The following TLL2 variants were observed in gnomAD, a reference collection of about 807,000 sequenced individuals.
TLL2 encodes tolloid-like protein 2.
Under a neutral mutation model 123.0 loss-of-function variants are expected in TLL2, and 106 were observed. The observed-to-expected ratio is 0.86, with a 90% CI of 0.74 to 1.01. The LOEUF (loss-of-function observed/expected upper bound fraction) is 1.01, where lower values mean the gene tolerates loss of function less well. Among genes scored for constraint, TLL2 ranks in the 50% least tolerant of loss-of-function variants. The pLI is 0.00. For synonymous variants in TLL2, 494 were observed against 516.8 expected, an observed-to-expected ratio of 0.96 and a Z score of 0.60; for missense variants, 1,332 against 1,336.7, an observed-to-expected ratio of 1.00 and a Z score of 0.06.
intron 1 of TLL2, among the ~76,000 whole-genome samples, chr10:96,508,620 C>G (rs1235302760): frequency 6.6e-6 from 1 of 152,058 alleles, no homozygotes; most frequent in African/African-American, 2.4e-5. Flanking sequence ...AAATGCTATA[C>G]AGCATTTTCA....
intron 13 of TLL2, among the ~76,000 whole-genome samples, chr10:96,391,655 A>G (rs1225747379): frequency 2.6e-5 from 4 of 152,236 alleles, no homozygotes; most frequent in Non-Finnish European, 5.9e-5. Context: ...ATTGTAATGA[A>G]GAAAAGTGAG....
chr10:96,512,863 C>A (rs1046463499), intron 1 of TLL2, among the ~76,000 whole-genome samples: 2 of 152,256 alleles, frequency 1.3e-5, no homozygotes, highest in Non-Finnish European at 2.9e-5. Flanking sequence ...AAGGCCCGTA[C>A]GTCCTGGGGC....
intron 3 of TLL2, among the ~76,000 whole-genome samples, chr10:96,444,820 T>C (rs1846880376): frequency 6.6e-6 from 1 of 152,238 alleles, no homozygotes; most frequent in Non-Finnish European, 1.5e-5. Flanking sequence ...GCATGAAAGC[T>C]GAAACACAAA....
intron 16 of TLL2, among the ~76,000 whole-genome samples, chr10:96,382,184 C>T (rs577248071): frequency 2.6e-5 from 4 of 152,304 alleles, no homozygotes; most frequent in South Asian, 2.1e-4. Context: ...CATGCGCCAG[C>T]GCGCCCAGCT....
chr10:96,391,819 C>T (rs929196564), intron 13 of TLL2, among the ~76,000 whole-genome samples: 2 of 152,196 alleles, frequency 1.3e-5, no homozygotes, highest in African/African-American at 4.8e-5. Context: ...ATGTTGTTCT[C>T]TGCAGTTGTT....
At position 96,500,573 on chromosome 10, in the gene TLL2, C is replaced by A. The variant is rs1847524582; in HGVS notation, c.175+12938G>T. 5.9e-5 allele frequency among the ~76,000 whole-genome samples: 9 copies of A among 152,194 alleles called. 1 individual carries two copies. In the South Asian group the frequency reaches 1.9e-3, roughly 32 times the overall value. ...CATTGGGAGGCCAAGGCGGGTGGATCACCTGAGGTCAGGAGCTCGGGACCA... is the reference window on the plus strand; with the variant it reads ...CATTGGGAGGCCAAGGCGGGTGGATAACCTGAGGTCAGGAGCTCGGGACCA... On this transcript the variant is annotated intron_variant, in intron 1 of 20. Transcript: ENST00000357947.
intron 2 of TLL2, among the ~76,000 whole-genome samples, chr10:96,471,550 C>T (rs930078602): frequency 1.3e-5 from 2 of 152,214 alleles, no homozygotes; most frequent in Non-Finnish European, 1.5e-5. Flanking sequence ...AAGGGCCAAC[C>T]CTGCGGGTAT....
intron 9 of TLL2, among the ~76,000 whole-genome samples, chr10:96,406,469 T>A (rs889801696): frequency 6.6e-6 from 1 of 152,060 alleles, no homozygotes; most frequent in Non-Finnish European, 1.5e-5. Flanking sequence ...AGGACTTTGC[T>A]CTCAGCAGTT....
At position 96,393,567 on chromosome 10, in the gene TLL2, G is replaced by C. The variant is rs576876752; in HGVS notation, c.1726+1620C>G. ...TGTCACTGCTGCCAAGTCAGACAGG[G>C]GCCACCCCAGGCTGGGAGACACCAG... is the stretch of plus-strand genomic sequence containing the variant. On this transcript the variant is annotated intron_variant, in intron 13 of 20. Transcript: ENST00000357947. 1.4e-4 allele frequency among the ~76,000 whole-genome samples: 21 copies of C among 152,288 alleles called. No homozygotes were observed. The East Asian group carries it at 2.9e-3, about 21-fold the overall frequency.
At chr10:96,471,133 T>C (rs1289378016) in intron 2 of TLL2, among the ~76,000 whole-genome samples, 11 of 151,522 alleles carry the variant, frequency 7.3e-5, no homozygotes, top group Non-Finnish European at 1.6e-4. Flanking sequence ...CCTGAGTAGC[T>C]GGGATTACAG....
rs982440987 is a variant in TLL2, at chr10:96,413,213, G to A, written c.1027C>T (p.Arg343Trp). ...RLSQGDIAQA[R>W]KLYKCPACGE... ...TTACCTGGGCATTTGTACAGCTTCC[G>A]GGCTTGAGCTATGTCTCCCTGACTG... Residue 343 changes from arginine to tryptophan, a missense_variant, in exon 8 of 21, where the codon CGG (arginine) becomes TGG (tryptophan). Coordinates refer to ENST00000357947, the MANE Select transcript of TLL2 (RefSeq NM_012465.4). The A allele has an allele frequency of 1.2e-5, 19 of 1,614,014 alleles. No individual in the cohort carries two copies. The highest frequency in any genetic ancestry group is 2.2e-5 in the East Asian group (1 of 44,898).
At position 96,387,163 on chromosome 10, in the gene TLL2, G is replaced by A. The variant is rs1846244344; in HGVS notation, c.1727-85C>T. 4 of 1,559,328 alleles carry A rather than the reference G, an allele frequency of 2.6e-6. No homozygotes were observed. In the South Asian group the frequency reaches 4.6e-5, roughly 18 times the overall value. On this transcript the variant is annotated intron_variant, in intron 13 of 20. Transcript: ENST00000357947. Reference sequence around the variant, plus strand: ...ACCCTTGCATATCCCAGTGTCACCAGCAAGTGTCCTCTAATAAACAGGAGC... The same window carrying A: ...ACCCTTGCATATCCCAGTGTCACCAACAAGTGTCCTCTAATAAACAGGAGC...
intron 9 of TLL2, 38 bp downstream of exon 9, chr10:96,410,321 G>C (rs1459719900): frequency 6.7e-7 from 1 of 1,499,814 alleles, no homozygotes; most frequent in Non-Finnish European, 9.3e-7. Flanking sequence ...CCAACTCAAG[G>C]AGTGCCGTCC....
At chr10:96,504,157 C>T (rs1847558450) in intron 1 of TLL2, among the ~76,000 whole-genome samples, 1 of 152,192 alleles carries the variant, frequency 6.6e-6, no homozygotes, top group Non-Finnish European at 1.5e-5. Flanking sequence ...AATGGAGGCT[C>T]AGGCCCAAAG....
chr10:96,462,234 C>T (rs1847087540), intron 2 of TLL2, among the ~76,000 whole-genome samples: 2 of 152,192 alleles, frequency 1.3e-5, no homozygotes, highest in Admixed American at 1.3e-4. Flanking sequence ...CTGAGAGGGT[C>T]TGCCTCCCTG....
intron 13 of TLL2, among the ~76,000 whole-genome samples, 198 bp from the exon 14 acceptor site, chr10:96,387,276 C>A (rs188154421): frequency 9.2e-5 from 14 of 152,322 alleles, no homozygotes; most frequent in African/African-American, 2.9e-4. Flanking sequence ...ACTGACAACA[C>A]GAGCAGGAAC....
intron 1 of TLL2, among the ~76,000 whole-genome samples, chr10:96,508,013 T>C (rs1255351242): frequency 6.6e-6 from 1 of 152,214 alleles, no homozygotes; most frequent in African/African-American, 2.4e-5. Context: ...CACCCTTACC[T>C]AGGTGTGGCC....
chr10:96,364,690 A>C lies in TLL2; in HGVS notation c.*3398T>G, dbSNP rs992143708. 6.5e-6 allele frequency: 1 copy of C among 152,674 alleles called. No individual in the cohort carries two copies. Among genetic ancestry groups the C allele is most frequent in the Non-Finnish European group, 1.5e-5 (1 of 68,044 alleles). The allele number at this position is 152,674 out of a possible 1,614,324, so 9.5% of individuals were successfully genotyped here. On this transcript the variant is annotated 3_prime_UTR_variant, in exon 21 of 21. Transcript: ENST00000357947. ...TCTCCACTTTCTCTTTGAAACTGAC[A>C]TCATTTCATGAAATGTAAAATTACA...
chr10:96,481,228 C>A (rs865828507), intron 1 of TLL2, among the ~76,000 whole-genome samples: 9 of 151,932 alleles, frequency 5.9e-5, no homozygotes, highest in African/African-American at 2.2e-4. Flanking sequence ...CTTACTGCAA[C>A]CTTGAAAGCC....
Sources: gnomAD v4.1 joint callset for allele counts (sites outside exome capture counted in the v4.1 genomes callset) on GRCh38, gnomAD v4.1.1 for gene constraint, MANE v1.5 for transcripts, NCBI Gene and HGNC (gene_info 2026-07-23, HGNC 2026-07-21) for gene names.